NCALD: variants seen among roughly 807,000 people sequenced by gnomAD.
The protein encoded by NCALD is neurocalcin-delta.
In NCALD, 10 loss-of-function variants were observed where a neutral mutation model predicts 18.6. The ratio of observed to expected loss-of-function variants is 0.54; its 90% CI spans 0.33 to 0.91. NCALD has a LOEUF of 0.91. Ranked by LOEUF, NCALD falls within the 40% of genes least tolerant of loss-of-function variation. NCALD has a pLI of 0.03. For missense variants in NCALD, 184 were observed against 247.6 expected (o/e 0.74, Z 1.72); for synonymous variants, 88 against 87.4 (o/e 1.01, Z -0.04).
intron 1 of NCALD, among the ~76,000 whole-genome samples, chr8:102,090,321 G>T (rs1394292833): frequency 1.3e-5 from 2 of 152,176 alleles, no homozygotes; most frequent in Non-Finnish European, 2.9e-5. Context: ...AATAGTGGCT[G>T]TCCTAAAACT....
chr8:101,955,342 T>A (rs1034533515), intron 2 of NCALD, among the ~76,000 whole-genome samples: 1 of 152,174 alleles, frequency 6.6e-6, no homozygotes, highest in Non-Finnish European at 1.5e-5. Flanking sequence ...AATGTGAATA[T>A]ATAAAATCTC....
intron 1 of NCALD, among the ~76,000 whole-genome samples, chr8:102,046,297 T>C (rs1272398726): frequency 6.6e-6 from 1 of 152,186 alleles, no homozygotes; most frequent in Admixed American, 6.5e-5. Context: ...CAATTCCATA[T>C]ATGTTTAAGC....
chr8:101,759,568 T>C (rs893740894), intron 1 of NCALD, among the ~76,000 whole-genome samples: 1 of 152,216 alleles, frequency 6.6e-6, no homozygotes, highest in Non-Finnish European at 1.5e-5. Flanking sequence ...CTGCCTGCTG[T>C]CAGGGCTAGG....
chr8:101,994,363 C>T (rs1821159325), intron 2 of NCALD, among the ~76,000 whole-genome samples: 1 of 152,204 alleles, frequency 6.6e-6, no homozygotes. Flanking sequence ...TCTACACACT[C>T]AAGCCTCACC....
At chr8:101,794,867 T>G (rs188732717), upstream of NCALD, among the ~76,000 whole-genome samples, 5 of 152,326 alleles carry the variant, frequency 3.3e-5, no homozygotes, top group East Asian at 9.6e-4. Flanking sequence ...GAATTATTTC[T>G]CATGTTTGTT....
chr8:102,005,995 G>A (rs1291413723), intron 2 of NCALD, among the ~76,000 whole-genome samples: 12 of 151,450 alleles, frequency 7.9e-5, no homozygotes, highest in African/African-American at 1.9e-4. Context: ...TAACCTGCAC[G>A]TTGTGCACAT....
chr8:101,973,235 G>A (rs1820305333), intron 2 of NCALD, among the ~76,000 whole-genome samples: 1 of 152,078 alleles, frequency 6.6e-6, no homozygotes, highest in Non-Finnish European at 1.5e-5. Flanking sequence ...TCCCATCTAG[G>A]ATACCACATT....
chr8:101,922,899 T>TA (rs1056699653), intron 2 of NCALD, among the ~76,000 whole-genome samples: 3 of 152,180 alleles, frequency 2.0e-5, no homozygotes, highest in African/African-American at 7.2e-5. Context: ...TATACTGTAT[T>TA]AAAAATCACA....
At chr8:101,895,488 A>G (rs1817124913) in intron 3 of NCALD, among the ~76,000 whole-genome samples, 1 of 151,682 alleles carries the variant, frequency 6.6e-6, no homozygotes, top group Admixed American at 6.6e-5. Flanking sequence ...ACTCCTGTTC[A>G]ATATAGTGTT....
chr8:101,890,188 A>G (rs1332606615), intron 3 of NCALD, among the ~76,000 whole-genome samples: 1 of 152,246 alleles, frequency 6.6e-6, no homozygotes, highest in Admixed American at 6.5e-5. Flanking sequence ...CACAATAGAA[A>G]AAACATAAGC....
chr8:101,813,612 A>G (rs1443248697), intron 4 of NCALD, among the ~76,000 whole-genome samples: 2 of 152,132 alleles, frequency 1.3e-5, no homozygotes, highest in Admixed American at 6.6e-5. Context: ...TAGAGTGAAC[A>G]TATTTTCTAT....
At chr8:102,122,040 T>C (rs1035223269) in intron 1 of NCALD, among the ~76,000 whole-genome samples, 4 of 152,196 alleles carry the variant, frequency 2.6e-5, no homozygotes, top group African/African-American at 4.8e-5. Context: ...CATAGATACA[T>C]AGATAATGTA....
intron 2 of NCALD, among the ~76,000 whole-genome samples, chr8:101,943,526 C>A (rs751975636): frequency 6.6e-6 from 1 of 152,172 alleles, no homozygotes; most frequent in Non-Finnish European, 1.5e-5. Context: ...AGACCCTGAA[C>A]ACAATATCTG....
intron 2 of NCALD, among the ~76,000 whole-genome samples, chr8:102,019,218 T>C (rs910423173): frequency 2.0e-5 from 3 of 152,060 alleles, no homozygotes; most frequent in Non-Finnish European, 4.4e-5. Flanking sequence ...ATGATGTTAC[T>C]ACATACCCAC....
intron 2 of NCALD, among the ~76,000 whole-genome samples, chr8:101,966,192 A>G (rs1275955204): frequency 1.3e-5 from 2 of 152,134 alleles, no homozygotes; most frequent in African/African-American, 2.4e-5. Context: ...GCAAAAAAAA[A>G]AGAGAAAGAG....
chr8:101,695,711 A>G (rs1814958807), intron 2 of NCALD, among the ~76,000 whole-genome samples: 1 of 151,912 alleles, frequency 6.6e-6, no homozygotes, highest in South Asian at 2.1e-4. Context: ...AACCTCTCTC[A>G]TATCACTTCC....
intron 1 of NCALD, among the ~76,000 whole-genome samples, chr8:101,764,325 C>T (rs1427146379): frequency 6.6e-6 from 1 of 152,078 alleles, no homozygotes; most frequent in African/African-American, 2.4e-5. Flanking sequence ...AGGAGGAAGC[C>T]AAGAAAGTGT....
chr8:101,863,715 G>C (rs1483858795), intron 4 of NCALD, among the ~76,000 whole-genome samples: 1 of 152,154 alleles, frequency 6.6e-6, no homozygotes, highest in Admixed American at 6.5e-5. Flanking sequence ...ACTTTGAGAG[G>C]CTAGAAAGCT....
chr8:102,081,545 T>TAAAAAA (rs770307937), intron 1 of NCALD, among the ~76,000 whole-genome samples: 32 of 68,692 alleles, frequency 4.7e-4, no homozygotes, highest in African/African-American at 2.5e-3. Flanking sequence ...CAAATAATGG[T>TAAAAAA]AAAAAAAAAA....
Sources: allele counts gnomAD v4.1 joint callset (sites outside exome capture counted in the v4.1 genomes callset), GRCh38; gene constraint gnomAD v4.1.1; transcripts MANE v1.5; gene names NCBI Gene and HGNC (gene_info 2026-07-23, HGNC 2026-07-21).